RAB27B: variants seen among roughly 807,000 people sequenced by gnomAD.
RAB27B encodes ras-related protein Rab-27B.
RAB27B carries 15 observed loss-of-function variants against 24.6 expected under a neutral mutation model. The observed-to-expected ratio is 0.61, with a 90% CI of 0.41 to 0.94. The LOEUF (loss-of-function observed/expected upper bound fraction) is 0.94, where lower values mean the gene tolerates loss of function less well. RAB27B is among the 40% of genes least tolerant of loss of function. The pLI is 0.00. For synonymous variants in RAB27B, 105 were observed against 92.5 expected (o/e 1.14, Z -0.78); for missense variants, 261 against 266.8 (o/e 0.98, Z 0.15).
At chr18:54,820,518 C>A (rs1020628669) in intron 2 of RAB27B, among the ~76,000 whole-genome samples, 6 of 151,936 alleles carry the variant, frequency 3.9e-5, no homozygotes, top group African/African-American at 1.5e-4. Context: ...GGATATTAGC[C>A]CTTTGTCAGA....
chr18:54,885,435 C>T (rs181810803), intron 4 of RAB27B, among the ~76,000 whole-genome samples: 83 of 152,294 alleles, frequency 5.4e-4, no homozygotes, highest in African/African-American at 1.9e-3. Flanking sequence ...TTCCCTCTTA[C>T]TTGGGCCCCG....
chr18:54,806,106 T>C (rs1369445766), intron 2 of RAB27B, among the ~76,000 whole-genome samples: 1 of 152,196 alleles, frequency 6.6e-6, no homozygotes, highest in Non-Finnish European at 1.5e-5. Context: ...CCTTTAAAGA[T>C]ATAAAACATT....
intron 2 of RAB27B, among the ~76,000 whole-genome samples, chr18:54,754,541 A>G (rs1398047381): frequency 1.3e-5 from 2 of 152,198 alleles, no homozygotes; most frequent in African/African-American, 2.4e-5. Flanking sequence ...AAGCTCCTCC[A>G]TTACAGAGTA....
intron 1 of RAB27B, among the ~76,000 whole-genome samples, chr18:54,853,674 G>C (rs1264485574): frequency 6.6e-6 from 1 of 152,168 alleles, no homozygotes; most frequent in African/African-American, 2.4e-5. Context: ...TCACAATCAT[G>C]CATGCTTTAC....
chr18:54,760,045 T>C (rs1433204824), intron 2 of RAB27B, among the ~76,000 whole-genome samples: 1 of 152,176 alleles, frequency 6.6e-6, no homozygotes, highest in Non-Finnish European at 1.5e-5. Context: ...ATAAGCCATA[T>C]GCAGACAGCA....
chr18:54,722,177 T>G (rs946203359), intron 2 of RAB27B, among the ~76,000 whole-genome samples: 4 of 152,194 alleles, frequency 2.6e-5, no homozygotes, highest in African/African-American at 9.6e-5. Context: ...AGTATTTGAT[T>G]GTTTTACCAC....
At chr18:54,833,703 G>T (rs998750093) in intron 1 of RAB27B, among the ~76,000 whole-genome samples, 1 of 152,204 alleles carries the variant, frequency 6.6e-6, no homozygotes, top group African/African-American at 2.4e-5. Flanking sequence ...TGAGGAAAGG[G>T]CATTTCAGTT....
intron 2 of RAB27B, among the ~76,000 whole-genome samples, chr18:54,784,029 A>G (rs1248855120): frequency 6.6e-6 from 1 of 152,186 alleles, no homozygotes; most frequent in African/African-American, 2.4e-5. Flanking sequence ...GTTTTCAAAG[A>G]CAAGGGTACT....
At chr18:54,769,470 TTG>T (rs946193118) in intron 2 of RAB27B, among the ~76,000 whole-genome samples, 13 of 152,136 alleles carry the variant, frequency 8.5e-5, no homozygotes, top group African/African-American at 3.1e-4. Flanking sequence ...GTTGTTGTTG[TTG>T]TTAATTTTTG....
At chr18:54,833,906 G>A (rs1479260393) in intron 1 of RAB27B, among the ~76,000 whole-genome samples, 2 of 152,160 alleles carry the variant, frequency 1.3e-5, no homozygotes. Flanking sequence ...GGCACCAATG[G>A]GGAAGAGTCA....
intron 2 of RAB27B, among the ~76,000 whole-genome samples, chr18:54,769,816 A>G (rs1908486303): frequency 6.6e-6 from 1 of 152,198 alleles, no homozygotes; most frequent in African/African-American, 2.4e-5. Flanking sequence ...TTAATAAACC[A>G]CATTTTTCTC....
At chr18:54,853,747 A>G (rs1598962763) in intron 1 of RAB27B, among the ~76,000 whole-genome samples, 1 of 152,096 alleles carries the variant, frequency 6.6e-6, no homozygotes, top group East Asian at 1.9e-4. Context: ...TTTTGGGTGG[A>G]CTACCTGTTA....
At chr18:54,819,344 C>A (rs1677926135) in intron 2 of RAB27B, among the ~76,000 whole-genome samples, 1 of 147,616 alleles carries the variant, frequency 6.8e-6, no homozygotes, top group African/African-American at 2.5e-5. Flanking sequence ...TAAGCTGTTA[C>A]CAGATTGATA....
intron 1 of RAB27B, among the ~76,000 whole-genome samples, chr18:54,832,986 C>T (rs1242189934): frequency 6.6e-6 from 1 of 152,114 alleles, no homozygotes; most frequent in Non-Finnish European, 1.5e-5. Flanking sequence ...TACATAGAAG[C>T]TCTAATAAAT....
rs1186166739 is a variant in RAB27B at position 54,889,208 on chromosome 18, A to C, written c.468-16A>C. ...TTTCTTCCTCTCAAAAATATTTGCC[A>C]TCCTTTCTATGCTAGCATACCATAT... On this transcript the variant is annotated splice_polypyrimidine_tract_variant and intron_variant, in intron 5 of 5. Coordinates refer to ENST00000262094, the MANE Select transcript of RAB27B (RefSeq NM_004163.4). 1 of 1,589,184 alleles carries C rather than the reference A, an allele frequency of 6.3e-7. No individual in the cohort carries two copies. Among genetic ancestry groups the C allele is most frequent in the Non-Finnish European group, 8.6e-7 (1 of 1,169,448 alleles).
chr18:54,849,517 G>C (rs928755600), intron 1 of RAB27B, among the ~76,000 whole-genome samples: 3 of 152,088 alleles, frequency 2.0e-5, no homozygotes, highest in Admixed American at 1.3e-4. Flanking sequence ...TGAGGAGTTC[G>C]AGACCAGCCT....
intron 2 of RAB27B, among the ~76,000 whole-genome samples, chr18:54,751,686 A>G (rs1479357769): frequency 2.0e-5 from 3 of 152,154 alleles, no homozygotes; most frequent in African/African-American, 7.2e-5. Flanking sequence ...AGAATACACA[A>G]AGTATGACTG....
At chr18:54,736,764 G>A (rs544529463) in intron 2 of RAB27B, among the ~76,000 whole-genome samples, 1 of 152,220 alleles carries the variant, frequency 6.6e-6, no homozygotes, top group African/African-American at 2.4e-5. Flanking sequence ...AGGAATTTCA[G>A]GAAGGAGATA....
chr18:54,811,167 G>T (rs1222912335), intron 2 of RAB27B, among the ~76,000 whole-genome samples: 1 of 151,980 alleles, frequency 6.6e-6, no homozygotes, highest in Non-Finnish European at 1.5e-5. Context: ...AAGTTTTAGA[G>T]GGGGGAAGAG....
Sources: gnomAD v4.1 joint callset for allele counts (sites outside exome capture counted in the v4.1 genomes callset) on GRCh38, gnomAD v4.1.1 for gene constraint, MANE v1.5 for transcripts, NCBI Gene and HGNC (gene_info 2026-07-23, HGNC 2026-07-21) for gene names.